PALM: variants seen among roughly 807,000 people sequenced by gnomAD.
PALM encodes paralemmin, also known as paralemmin-1.
A neutral mutation model predicts 30.7 loss-of-function variants in PALM; 18 were observed. The ratio of observed to expected loss-of-function variants is 0.59; its 90% CI spans 0.41 to 0.87. PALM has a LOEUF of 0.87. Ranked by LOEUF, PALM falls within the 40% of genes least tolerant of loss-of-function variation. PALM has a pLI of 0.00. For synonymous variants in PALM, 286 were observed against 242.8 expected, an observed-to-expected ratio of 1.18 and a Z score of -1.66; for missense variants, 529 against 555.4, an observed-to-expected ratio of 0.95 and a Z score of 0.48.
chr19:732,650 C>G (rs776186005), intron 5 of PALM, among the ~76,000 whole-genome samples: 1 of 151,936 alleles, frequency 6.6e-6, no homozygotes, highest in Non-Finnish European at 1.5e-5. Flanking sequence ...GCTGAGATCA[C>G]GCCACTACAC....
intron 4 of PALM, among the ~76,000 whole-genome samples, chr19:728,031 C>T (rs982425562): frequency 9.2e-6 from 1 of 108,544 alleles, no homozygotes; most frequent in Non-Finnish European, 1.8e-5. Flanking sequence ...GGGGACGTGA[C>T]GTCGAGCTCG....
chr19:723,839 G>A (rs1257163592), intron 1 of PALM, among the ~76,000 whole-genome samples: 2 of 152,024 alleles, frequency 1.3e-5, no homozygotes, highest in Admixed American at 6.6e-5. Context: ...CAGGTAATCC[G>A]CTCGCATCGG....
intron 7 of PALM, among the ~76,000 whole-genome samples, chr19:736,770 C>A (rs1197126519): frequency 6.6e-6 from 1 of 152,218 alleles, no homozygotes; most frequent in African/African-American, 2.4e-5. Flanking sequence ...AGGCAGAGGG[C>A]CGGGCGTGGT....
intron 7 of PALM, among the ~76,000 whole-genome samples, chr19:737,327 C>G (rs1295579345): frequency 6.6e-6 from 1 of 152,228 alleles, no homozygotes; most frequent in Non-Finnish European, 1.5e-5. Flanking sequence ...ACAACCTGCT[C>G]AACAGTGTGG....
chr19:734,989 T>G (rs992581902), intron 6 of PALM: 33 of 841,374 alleles, frequency 3.9e-5, no homozygotes, highest in Non-Finnish European at 4.4e-5. Flanking sequence ...GAATTAAAAA[T>G]TAATCATTAA....
chr19:738,138 C>T (rs1477213038), intron 7 of PALM, among the ~76,000 whole-genome samples: 1 of 152,086 alleles, frequency 6.6e-6, no homozygotes, highest in Non-Finnish European at 1.5e-5. Flanking sequence ...CGCCTGTAAT[C>T]CCAGCACCTT....
intron 1 of PALM, among the ~76,000 whole-genome samples, chr19:713,926 A>T (rs2032168345): frequency 7.6e-6 from 1 of 131,854 alleles, no homozygotes; most frequent in Admixed American, 8.0e-5. Flanking sequence ...TTTTTTTGAG[A>T]CAGAGTCTCG....
rs78930058 is a variant in PALM, at chr19:747,311, C to T, written c.*497C>T. 3.4e-3 allele frequency: 537 copies of T among 157,334 alleles called. 5 individuals carry two copies. The highest frequency in any genetic ancestry group is 0.012 in the African/African-American group (503 of 41,624). 9.7% of individuals were successfully genotyped at this position (157,334 alleles called of 1,614,324 possible). On this transcript the variant is annotated 3_prime_UTR_variant, in exon 9 of 9. Coordinates refer to ENST00000338448, the MANE Select transcript of PALM (RefSeq NM_002579.3). ...GCTCTATGGGGTTCCCTGGCCAAGGCGCTGGCCCCCCAATCTCAGGCAGTT... is the reference window on the plus strand; with the variant it reads ...GCTCTATGGGGTTCCCTGGCCAAGGTGCTGGCCCCCCAATCTCAGGCAGTT...
chr19:746,353 C>G lies in PALM; in HGVS notation c.703C>G (p.Leu235Val), dbSNP rs2033338570. 1 of 1,613,200 alleles carries G rather than the reference C, an allele frequency of 6.2e-7. No homozygotes were observed. ...HPLSSSEVDE[L>V]IHKADEVTLS... ...CCTGAGCTCCTCCGAGGTGGACGAA[C>G]TCATCCACAAAGCGGACGAGGTCAC... Residue 235 changes from leucine to valine, a missense_variant, in exon 9 of 9, where the codon CTC (leucine) becomes GTC (valine). Physicochemically the swap from Leu to Val is conservative, Grantham distance 32 (BLOSUM62 1). Transcript: ENST00000338448. The surrounding 1 kb of genome is among the most constrained non-coding windows in gnomAD (Gnocchi z 7.1).
At chr19:711,151 T>G in intron 1 of PALM, 1 of 971,230 alleles carries the variant, frequency 1.0e-6, no homozygotes, top group Non-Finnish European at 1.2e-6. Flanking sequence ...AATGTGAGGA[T>G]TTAAGGAGAA....
chr19:723,929 G>T (rs572589830), intron 1 of PALM, among the ~76,000 whole-genome samples: 4 of 152,072 alleles, frequency 2.6e-5, no homozygotes, highest in South Asian at 4.2e-4. Flanking sequence ...CCTACTACGT[G>T]CAGCTTTCTG....
chr19:719,267 T>G, intron 1 of PALM: 14 of 985,096 alleles, frequency 1.4e-5, no homozygotes, highest in Non-Finnish European at 1.6e-5. Context: ...TTGCGTAACC[T>G]CTCTGGGCCC....
chr19:717,040 C>T (rs1485632955), intron 1 of PALM, among the ~76,000 whole-genome samples: 1 of 152,116 alleles, frequency 6.6e-6, no homozygotes, highest in East Asian at 1.9e-4. Flanking sequence ...AGTGGTTCTC[C>T]TGCCTCAGCC....
chr19:725,324 C>T (rs1488362995), intron 1 of PALM, among the ~76,000 whole-genome samples: 1 of 148,690 alleles, frequency 6.7e-6, no homozygotes, highest in Non-Finnish European at 1.5e-5. Context: ...TTTGGGAGGC[C>T]AAGGCGGGCG....
Position 746,885 on chromosome 19 carries a change from G to A in PALM, c.*71G>A. 1.1e-6 allele frequency: 1 copy of A among 877,738 alleles called. No individual in the cohort carries two copies. The allele number at this position is 877,738 out of a possible 1,614,324, so 54.4% of individuals were successfully genotyped here. ...ACCAGCCCGGCCCCTCCCGGCGCCTGCCCACCCTCCACCCACAGCCTCACG... is the reference window on the plus strand; with the variant it reads ...ACCAGCCCGGCCCCTCCCGGCGCCTACCCACCCTCCACCCACAGCCTCACG... On this transcript the variant is annotated 3_prime_UTR_variant, in exon 9 of 9. Coordinates refer to ENST00000338448, the MANE Select transcript of PALM (RefSeq NM_002579.3). The surrounding 1 kb of genome is among the most constrained non-coding windows in gnomAD (Gnocchi z 7.1).
rs779146226 is a variant in PALM, at chr19:746,643, CGAA to C, written c.996_998del (p.Glu332del). The C allele has an allele frequency of 9.3e-6, 15 of 1,612,516 alleles. No individual in the cohort carries two copies. The East Asian group carries it at 3.3e-4, about 36-fold the overall frequency. Reference sequence around the variant, plus strand: ...CCATCACGGCGGAGCTGGTGGTCATCGAAGACGCGGCTGAGCCCAAGGAGCCTG... The same window carrying C: ...CCATCACGGCGGAGCTGGTGGTCATCGACGCGGCTGAGCCCAAGGAGCCTG... On this transcript the variant is annotated inframe_deletion, in exon 9 of 9. Coordinates refer to ENST00000338448, the MANE Select transcript of PALM (RefSeq NM_002579.3). This position sits in a 1 kb window ranked among gnomAD's most constrained non-coding sequence, Gnocchi z 7.1.
At chr19:718,711 C>G (rs1031748129) in intron 1 of PALM, among the ~76,000 whole-genome samples, 1 of 151,974 alleles carries the variant, frequency 6.6e-6, no homozygotes, top group African/African-American at 2.4e-5. Context: ...GTGCTGCATC[C>G]TGGGAGGGCT....
chr19:729,404 T>G (rs1193233823), intron 4 of PALM, among the ~76,000 whole-genome samples: 2 of 149,364 alleles, frequency 1.3e-5, no homozygotes, highest in Non-Finnish European at 3.0e-5. Flanking sequence ...ACCCACTCCC[T>G]GGGCCTCAGT....
chr19:736,022 A>T lies in PALM; in HGVS notation c.446A>T (p.Lys149Met), dbSNP rs141526024. The change falls in exon 7 of 9, where the codon AAG becomes ATG. Residue 149 changes from lysine (K) to methionine (M), a missense_variant. Transcript: ENST00000338448. ...TCCGCTTCCACCTCCCGTGCAGACA[A>T]GCGAGTCTCCAACACGCCCCTGAGG... is the stretch of plus-strand genomic sequence containing the variant. ...QQTPVGTPKD[K>M]RVSNTPLRTV... The T allele has an allele frequency of 1.4e-5, 23 of 1,609,272 alleles. No homozygotes were observed. In the African/African-American group the frequency reaches 3.1e-4, roughly 22 times the overall value.
Sources: gnomAD v4.1 joint callset for allele counts (sites outside exome capture counted in the v4.1 genomes callset) on GRCh38, gnomAD v4.1.1 for gene constraint, Gnocchi (gnomAD v3.1) non-coding constraint, MANE v1.5 for transcripts, NCBI Gene and HGNC (gene_info 2026-07-23, HGNC 2026-07-21) for gene names.